DCP1A: variants seen among roughly 807,000 people sequenced by gnomAD.
The protein encoded by DCP1A is decapping mRNA 1A, also known as mRNA-decapping enzyme 1A.
DCP1A carries 20 observed loss-of-function variants against 58.0 expected under a neutral mutation model. The observed-to-expected ratio is 0.34, with a 90% CI of 0.24 to 0.50. The LOEUF is 0.50. Among genes scored for constraint, DCP1A ranks in the 20% least tolerant of loss-of-function variants. DCP1A has a pLI of 0.98. For missense variants in DCP1A, 613 were observed against 712.2 expected (o/e 0.86, Z 1.59); for synonymous variants, 285 against 275.1 (o/e 1.04, Z -0.36).
intron 3 of DCP1A, among the ~76,000 whole-genome samples, chr3:53,340,081 A>C (rs546873546): frequency 6.6e-6 from 1 of 152,104 alleles, no homozygotes; most frequent in South Asian, 2.1e-4. Flanking sequence ...GTGACACCAC[A>C]CCTGGCTAAT....
chr3:53,343,035 T>C (rs1215481802), intron 2 of DCP1A, among the ~76,000 whole-genome samples: 1 of 152,218 alleles, frequency 6.6e-6, no homozygotes, highest in Non-Finnish European at 1.5e-5. Context: ...ACATCCTTGG[T>C]TCCCATATCA....
At chr3:53,330,825 ATT>A (rs71087077) in intron 3 of DCP1A, among the ~76,000 whole-genome samples, 1,786 of 121,596 alleles carry the variant, frequency 0.015, 88 homozygotes, top group East Asian at 0.13. Context: ...ATATATATAT[ATT>A]TTTTTTTTTT....
intron 6 of DCP1A, among the ~76,000 whole-genome samples, chr3:53,296,506 CT>C (rs1707132907): frequency 6.6e-6 from 1 of 152,216 alleles, no homozygotes; most frequent in African/African-American, 2.4e-5. Context: ...AACACTGTGA[CT>C]TAGTCACTTG....
chr3:53,346,996 T>C (rs977476397), intron 1 of DCP1A, among the ~76,000 whole-genome samples: 6 of 152,000 alleles, frequency 3.9e-5, no homozygotes, highest in South Asian at 2.1e-4. Flanking sequence ...ATAATGTACA[T>C]ATAATTTATC....
rs1193104811 is a variant in DCP1A at position 53,283,502 on chromosome 3, A to C, written c.*4078T>G. ...AAACATATAAAATTTAAGATGAAAA[A>C]CGCTCATTTTAAAACATGTAATAAC... On this transcript the variant is annotated 3_prime_UTR_variant, in exon 10 of 10. Coordinates refer to ENST00000610213, the MANE Select transcript of DCP1A (RefSeq NM_018403.7). The C allele has an allele frequency of 3.3e-5, 5 of 152,220 alleles. No homozygotes were observed. Among genetic ancestry groups the C allele is most frequent in the South Asian group, 4.1e-4 (2 of 4,834 alleles). The allele number at this position is 152,220 out of a possible 1,614,324, so 9.4% of individuals were successfully genotyped here.
chr3:53,290,904 TAAG>T (rs1553685901), intron 7 of DCP1A, 48 bp from the exon 8 acceptor site: 2 of 1,473,710 alleles, frequency 1.4e-6, no homozygotes, highest in Non-Finnish European at 1.9e-6. Flanking sequence ...AAGTTTCAAT[TAAG>T]AAGACTTCCT....
At chr3:53,347,312 A>C in intron 1 of DCP1A, 71 bp downstream of exon 1, 91 of 1,354,706 alleles carry the variant, frequency 6.7e-5, no homozygotes, top group Middle Eastern at 2.7e-4. Context: ...CCCACCCCAC[A>C]GTAACCCGCG....
At chr3:53,299,765 C>T (rs531537971) in intron 6 of DCP1A, among the ~76,000 whole-genome samples, 9 of 152,322 alleles carry the variant, frequency 5.9e-5, no homozygotes, top group Admixed American at 1.3e-4. Context: ...CTGCCTGTGG[C>T]GGCTGATGAT....
At chr3:53,335,108 C>A (rs146741217) in intron 3 of DCP1A, among the ~76,000 whole-genome samples, 2 of 150,046 alleles carry the variant, frequency 1.3e-5, no homozygotes, top group African/African-American at 2.4e-5. Flanking sequence ...TGTGTGTGCA[C>A]GCGCATGTGT....
intron 3 of DCP1A, among the ~76,000 whole-genome samples, chr3:53,324,347 A>C (rs1708054578): frequency 6.6e-6 from 1 of 152,230 alleles, no homozygotes; most frequent in Admixed American, 6.5e-5. Flanking sequence ...ACTGGCAAGA[A>C]AGCCCAGGGA....
At chr3:53,341,637 T>C (rs574930449) in intron 3 of DCP1A, among the ~76,000 whole-genome samples, 14 of 152,298 alleles carry the variant, frequency 9.2e-5, no homozygotes, top group African/African-American at 3.1e-4. Context: ...AACAGAAATG[T>C]AGTGCTATTA....
intron 3 of DCP1A, among the ~76,000 whole-genome samples, chr3:53,338,593 G>A (rs113263407): frequency 0.045 from 6,917 of 152,200 alleles, 511 homozygotes; most frequent in African/African-American, 0.15. Context: ...TGGGCGCGGT[G>A]GCTCACTCCT....
rs1706550757 is a variant in DCP1A at position 53,284,499 on chromosome 3, C to G, written c.*3081G>C. On this transcript the variant is annotated 3_prime_UTR_variant, in exon 10 of 10. Coordinates refer to ENST00000610213, the MANE Select transcript of DCP1A (RefSeq NM_018403.7). The stretch of plus-strand genomic sequence containing the variant: ...CATATACTAAACTAAGCCTGTGTGT[C>G]CCCCTGTAGAGAGGGGCCCAGCGTG... The G allele has an allele frequency of 6.7e-6, 1 of 149,022 alleles. No individual in the cohort carries two copies. Among genetic ancestry groups the G allele is most frequent in the Non-Finnish European group, 1.5e-5 (1 of 67,656 alleles). The allele number at this position is 149,022 out of a possible 1,614,324, so 9.2% of individuals were successfully genotyped here.
At chr3:53,329,354 A>G (rs1050641045) in intron 3 of DCP1A, 2 of 398,620 alleles carry the variant, frequency 5.0e-6, no homozygotes, top group Non-Finnish European at 8.8e-6. Context: ...TTTCATTAAA[A>G]GCACTATGTA....
intron 6 of DCP1A, among the ~76,000 whole-genome samples, chr3:53,294,089 G>A (rs1553686529): frequency 6.6e-6 from 1 of 152,228 alleles, no homozygotes; most frequent in African/African-American, 2.4e-5. Context: ...GGCTGGGTAG[G>A]AGGGTGACAG....
At chr3:53,328,409 T>A (rs969123698) in intron 3 of DCP1A, among the ~76,000 whole-genome samples, 2 of 152,136 alleles carry the variant, frequency 1.3e-5, no homozygotes. Flanking sequence ...CCTTTGTGAG[T>A]TCTCAAAAGA....
At chr3:53,303,074 C>T (rs942293714) in intron 6 of DCP1A, among the ~76,000 whole-genome samples, 6 of 152,008 alleles carry the variant, frequency 3.9e-5, no homozygotes, top group African/African-American at 1.5e-4. Context: ...CTCAGCCTCC[C>T]AATTAGCTGG....
At position 53,341,485 on chromosome 3, in the gene DCP1A, T is replaced by C. The variant is rs79226098; in HGVS notation, c.304+659A>G. Among the ~76,000 whole-genome samples the C allele has an allele frequency of 2.4e-3, 360 of 152,138 alleles. 1 individual carries two copies. The highest frequency in any genetic ancestry group is 8.0e-3 in the African/African-American group (334 of 41,522). The stretch of plus-strand genomic sequence containing the variant: ...AAGAAAATAATAATAGTAATAATAA[T>C]ACTTTCTTTGTGGAAAGAATTATCT... On this transcript the variant is annotated intron_variant, in intron 3 of 9. Transcript: ENST00000610213.
At chr3:53,314,830 C>T (rs1260774910) in intron 4 of DCP1A, among the ~76,000 whole-genome samples, 2 of 151,740 alleles carry the variant, frequency 1.3e-5, no homozygotes, top group East Asian at 3.9e-4. Flanking sequence ...CACTATCATG[C>T]CCGGCTAATT....
Sources: gnomAD v4.1 joint callset for allele counts (sites outside exome capture counted in the v4.1 genomes callset) on GRCh38, gnomAD v4.1.1 for gene constraint, MANE v1.5 for transcripts, NCBI Gene and HGNC (gene_info 2026-07-23, HGNC 2026-07-21) for gene names.